The following ANK3 variants were observed in gnomAD, a reference collection of about 807,000 sequenced individuals.
ANK3 encodes ankyrin-3.
Under a neutral mutation model 370.9 loss-of-function variants are expected in ANK3, and 57 were observed. That is an observed-to-expected ratio of 0.15 (90% confidence interval 0.12 to 0.19). The LOEUF (loss-of-function observed/expected upper bound fraction) is 0.19, where lower values mean the gene tolerates loss of function less well. ANK3 is among the 10% of genes least tolerant of loss of function. ANK3 has a pLI of 1.00. For synonymous variants in ANK3, 1,929 were observed against 1,946.3 expected (o/e 0.99, Z 0.23); for missense variants, 4,439 against 5,302.1 (o/e 0.84, Z 5.06).
chr10:60,349,017 T>C (rs1330038367), intron 1 of ANK3, among the ~76,000 whole-genome samples: 2 of 152,156 alleles, frequency 1.3e-5, no homozygotes, highest in African/African-American at 4.8e-5. Flanking sequence ...CAGCATGAAC[T>C]GTACTTGAAG....
chr10:60,288,282 T>C (rs1176731274), intron 1 of ANK3, among the ~76,000 whole-genome samples: 2 of 152,166 alleles, frequency 1.3e-5, no homozygotes, highest in Non-Finnish European at 2.9e-5. Flanking sequence ...CTAGGCATGA[T>C]CCCTTCTCGC....
chr10:60,645,056 C>A (rs890017496), intron 1 of ANK3, among the ~76,000 whole-genome samples: 9 of 151,880 alleles, frequency 5.9e-5, no homozygotes, highest in African/African-American at 1.7e-4. Context: ...TATCTTAATG[C>A]TTTTTCCATT....
At chr10:60,191,083 C>G (rs563999087) in intron 16 of ANK3, among the ~76,000 whole-genome samples, 2 of 152,098 alleles carry the variant, frequency 1.3e-5, no homozygotes, top group Non-Finnish European at 2.9e-5. Context: ...CAAAAATTAA[C>G]TCAAGATAGA....
At chr10:60,731,004 T>C (rs555061482) in intron 1 of ANK3, among the ~76,000 whole-genome samples, 11 of 152,284 alleles carry the variant, frequency 7.2e-5, no homozygotes, top group Admixed American at 3.3e-4. Context: ...TAATCTCCAA[T>C]TTGGATTATA....
intron 2 of ANK3, among the ~76,000 whole-genome samples, chr10:60,583,507 T>TG (rs2077784556): frequency 7.7e-6 from 1 of 129,726 alleles, no homozygotes; most frequent in South Asian, 3.2e-4. Context: ...CAGAGAGGTT[T>TG]TTTGTTTTTT....
chr10:60,581,968 G>T (rs2077760679), intron 2 of ANK3, among the ~76,000 whole-genome samples: 1 of 152,112 alleles, frequency 6.6e-6, no homozygotes, highest in Admixed American at 6.5e-5. Context: ...CATGTTATTT[G>T]CAGGGACATG....
intron 2 of ANK3, among the ~76,000 whole-genome samples, chr10:60,523,940 C>T (rs1437091967): frequency 6.6e-6 from 1 of 152,062 alleles, no homozygotes; most frequent in Non-Finnish European, 1.5e-5. Context: ...TACATCTGCA[C>T]ACATATGTAT....
intron 1 of ANK3, among the ~76,000 whole-genome samples, chr10:60,333,391 C>T (rs34938088): frequency 1.7e-3 from 254 of 152,012 alleles, no homozygotes; most frequent in African/African-American, 6.0e-3. Flanking sequence ...TGAGTGAGAA[C>T]ATGCTGTGTT....
intron 1 of ANK3, among the ~76,000 whole-genome samples, chr10:60,637,625 G>T (rs1270932407): frequency 6.6e-6 from 1 of 151,972 alleles, no homozygotes; most frequent in Non-Finnish European, 1.5e-5. Flanking sequence ...GTGAAAAACT[G>T]GAATCAAGTA....
intron 1 of ANK3, among the ~76,000 whole-genome samples, chr10:60,362,624 G>GGAAT (rs2058782151): frequency 6.6e-6 from 1 of 152,124 alleles, no homozygotes; most frequent in Non-Finnish European, 1.5e-5. Flanking sequence ...ATTTCATCAG[G>GGAAT]GAATGTCCAG....
intron 2 of ANK3, among the ~76,000 whole-genome samples, chr10:60,441,210 T>C (rs1458405327): frequency 6.6e-6 from 1 of 152,218 alleles, no homozygotes; most frequent in Admixed American, 6.5e-5. Flanking sequence ...TCAGATTTAC[T>C]TTTCAATGAG....
chr10:60,601,387 A>G (rs1214402297), intron 2 of ANK3, among the ~76,000 whole-genome samples: 1 of 152,144 alleles, frequency 6.6e-6, no homozygotes, highest in Non-Finnish European at 1.5e-5. Flanking sequence ...AGCAACATCA[A>G]TGGTAAGTCA....
chr10:60,699,296 A>G (rs1260489961), intron 1 of ANK3, among the ~76,000 whole-genome samples: 2 of 152,146 alleles, frequency 1.3e-5, no homozygotes, highest in Non-Finnish European at 2.9e-5. Flanking sequence ...AGATTAAAAA[A>G]AAGATTATAA....
intron 3 of ANK3, 72 bp from the exon 4 acceptor site, chr10:60,278,944 A>C: frequency 1.9e-6 from 3 of 1,566,694 alleles, no homozygotes; most frequent in Non-Finnish European, 2.6e-6. Flanking sequence ...AAAGAGAACA[A>C]ATTTGACAAA....
intron 16 of ANK3, among the ~76,000 whole-genome samples, chr10:60,192,234 C>T (rs73263128): frequency 0.021 from 3,193 of 151,376 alleles, 109 homozygotes; most frequent in African/African-American, 0.073. Context: ...CCATGGTGCG[C>T]GTGTGTGTGT....
chr10:60,550,849 T>C (rs2077073188), intron 2 of ANK3, among the ~76,000 whole-genome samples: 1 of 152,066 alleles, frequency 6.6e-6, no homozygotes, highest in African/African-American at 2.4e-5. Context: ...ACTCATACAC[T>C]AGATTTTATG....
At chr10:60,088,108 C>G (rs759511553) in intron 29 of ANK3, 39 bp downstream of exon 29, 3 of 1,540,450 alleles carry the variant, frequency 1.9e-6, no homozygotes, top group Non-Finnish European at 2.7e-6. Context: ...CACATGCTCT[C>G]TGCGCATACT....
intron 1 of ANK3, among the ~76,000 whole-genome samples, chr10:60,672,563 C>CT (rs2079075250): frequency 6.6e-6 from 1 of 152,218 alleles, no homozygotes; most frequent in Non-Finnish European, 1.5e-5. Context: ...AAGACAGAAG[C>CT]TCCAGTGCTC....
rs1448351572 is a variant in ANK3 at position 60,060,210 on chromosome 10, A to G, written c.12596-780T>C. 48 of 403,370 alleles carry G rather than the reference A, an allele frequency of 1.2e-4. No individual in the cohort carries two copies. The East Asian group carries it at 1.7e-3, about 14-fold the overall frequency. The allele number at this position is 403,370 out of a possible 1,614,324, so 25.0% of individuals were successfully genotyped here. On this transcript the variant is annotated intron_variant, in intron 40 of 43. Transcript: ENST00000280772. ...GCAAACTCCAATAAAATAGAATACT[A>G]ATTAAGATATCAATTGTTTCTGTTT... is the stretch of plus-strand genomic sequence containing the variant.
Sources: gnomAD v4.1 joint callset for allele counts (sites outside exome capture counted in the v4.1 genomes callset) on GRCh38, gnomAD v4.1.1 for gene constraint, MANE v1.5 for transcripts, NCBI Gene and HGNC (gene_info 2026-07-23, HGNC 2026-07-21) for gene names.